BCAS3: variants seen among roughly 807,000 people sequenced by gnomAD.
BCAS3 encodes BCAS4/BCAS3 fusion.
BCAS3 carries 53 observed loss-of-function variants against 116.1 expected under a neutral mutation model. That is an observed-to-expected ratio of 0.46 (90% confidence interval 0.37 to 0.57). The LOEUF is 0.57. Ranked by LOEUF, BCAS3 falls within the 20% of genes least tolerant of loss-of-function variation. The pLI, the probability that BCAS3 is intolerant of heterozygous loss-of-function variation, is 0.00. For synonymous variants in BCAS3, 391 were observed against 408.2 expected (o/e 0.96, Z 0.51); for missense variants, 917 against 1,165.4 (o/e 0.79, Z 3.10).
intron 5 of BCAS3, among the ~76,000 whole-genome samples, chr17:60,714,986 C>T (rs576689310): frequency 6.6e-6 from 1 of 152,038 alleles, no homozygotes; most frequent in Non-Finnish European, 1.5e-5. Context: ...ATGTTATTGA[C>T]TCTTTTTTGG....
chr17:61,058,805 GACAA>G (rs1214779271), intron 19 of BCAS3, among the ~76,000 whole-genome samples: 1 of 152,074 alleles, frequency 6.6e-6, no homozygotes, highest in East Asian at 1.9e-4. Flanking sequence ...ACATTGAATA[GACAA>G]ACAACAGACT....
rs140529170 is a variant in BCAS3 at position 60,926,618 on chromosome 17, G to A, written c.1087+2118G>A. Among the ~76,000 whole-genome samples, 721 of 152,168 alleles carry A rather than the reference G, an allele frequency of 4.7e-3. 1 individual carries two copies. The highest frequency in any genetic ancestry group is 7.9e-3 in the Non-Finnish European group (538 of 67,982). ...AAGTTAAATGTGAAAAAACAGCCTGGAAGTTATGTCACTTGTAGCACTCCA... is the reference window on the plus strand; with the variant it reads ...AAGTTAAATGTGAAAAAACAGCCTGAAAGTTATGTCACTTGTAGCACTCCA... On this transcript the variant is annotated intron_variant, in intron 13 of 23. Coordinates refer to ENST00000407086, the MANE Select transcript of BCAS3 (RefSeq NM_017679.5).
chr17:61,373,729 G>GCCC (rs58524713), intron 23 of BCAS3, among the ~76,000 whole-genome samples: 6,216 of 142,058 alleles, frequency 0.044, 439 homozygotes, highest in African/African-American at 0.14. Flanking sequence ...ACGATGCCCA[G>GCCC]CCCCTGTTTA....
chr17:61,350,220 G>C (rs1205946683), intron 22 of BCAS3, among the ~76,000 whole-genome samples: 1 of 151,856 alleles, frequency 6.6e-6, no homozygotes, highest in Non-Finnish European at 1.5e-5. Context: ...TTTGAGACCA[G>C]CCTGGCCAAC....
chr17:61,257,408 G>A (rs1027488471), intron 22 of BCAS3, among the ~76,000 whole-genome samples: 3 of 124,764 alleles, frequency 2.4e-5, no homozygotes, highest in Non-Finnish European at 4.8e-5. Context: ...GAGACAGAGC[G>A]AGACTCCATC....
At chr17:60,930,600 T>G (rs1474371474) in intron 13 of BCAS3, among the ~76,000 whole-genome samples, 3 of 152,026 alleles carry the variant, frequency 2.0e-5, no homozygotes, top group Non-Finnish European at 4.4e-5. Flanking sequence ...GGATTACAGG[T>G]GTGCGCCACT....
intron 5 of BCAS3, among the ~76,000 whole-genome samples, chr17:60,724,059 A>G (rs1466971287): frequency 6.6e-6 from 1 of 151,820 alleles, no homozygotes; most frequent in Non-Finnish European, 1.5e-5. Flanking sequence ...TGATGAAAAA[A>G]ATCTGGTTCC....
intron 3 of BCAS3, among the ~76,000 whole-genome samples, chr17:60,688,425 T>C: frequency 6.6e-6 from 1 of 151,926 alleles, no homozygotes; most frequent in South Asian, 2.1e-4. Flanking sequence ...TCAGCCTCCC[T>C]GGTAGCTGGG....
chr17:60,889,847 T>G (rs904574991), intron 10 of BCAS3, 76 bp downstream of exon 10: 86 of 1,314,618 alleles, frequency 6.5e-5, no homozygotes, highest in Middle Eastern at 5.1e-4. Context: ...ATACCTGTGC[T>G]CCATAGTTGA....
Position 61,099,089 on chromosome 17 carries a change from A to G in BCAS3, c.2425+14525A>G, listed in dbSNP as rs141794300. Among the ~76,000 whole-genome samples, 72 of 152,180 alleles carry G rather than the reference A, an allele frequency of 4.7e-4. No homozygotes were observed. The East Asian group carries it at 0.013, about 28-fold the overall frequency. The stretch of plus-strand genomic sequence containing the variant: ...CAGTGAGCTGAGATCGCACCATTGC[A>G]CTCCAGCCTGGGTGACAGAGTGAGA... On this transcript the variant is annotated intron_variant, in intron 22 of 23. Coordinates refer to ENST00000407086, the MANE Select transcript of BCAS3 (RefSeq NM_017679.5).
rs1202038442 is a variant in BCAS3 at position 61,362,286 on chromosome 17, T to A, written c.2426-6041T>A. On this transcript the variant is annotated intron_variant, in intron 22 of 23. Coordinates refer to ENST00000407086, the MANE Select transcript of BCAS3 (RefSeq NM_017679.5). This position sits in a 1 kb window ranked among gnomAD's most constrained non-coding sequence, Gnocchi z 4.4. ...TTCTTAGTTATTGTAGACGTCATCA[T>A]CACAACCTCTCACCAAGGAGGGCTT... Among the ~76,000 whole-genome samples, 1 of 152,200 alleles carries A rather than the reference T, an allele frequency of 6.6e-6. No homozygotes were observed. The highest frequency in any genetic ancestry group is 2.4e-5 in the African/African-American group (1 of 41,452).
chr17:61,002,128 A>G (rs916831890), intron 15 of BCAS3, among the ~76,000 whole-genome samples: 35 of 152,150 alleles, frequency 2.3e-4, no homozygotes, highest in Non-Finnish European at 4.3e-4. Flanking sequence ...AGGAAACCTG[A>G]TATTATATTG....
Position 60,960,781 on chromosome 17 carries a change from CTT to C in BCAS3, c.1221+13441_1221+13442del, listed in dbSNP as rs372608125. Reference sequence around the variant, plus strand: ...CAGTAGCTGCCTTCTTCTTCTTTTTCTTTTTTTTTTTTTAATCATGCCTTTGT... The same window carrying C: ...CAGTAGCTGCCTTCTTCTTCTTTTTCTTTTTTTTTTTAATCATGCCTTTGT... On this transcript the variant is annotated intron_variant, in intron 14 of 23. Transcript: ENST00000407086. This position sits in a 1 kb window ranked among gnomAD's most constrained non-coding sequence, Gnocchi z 4.1. Among the ~76,000 whole-genome samples, 6 of 142,166 alleles carry C rather than the reference CTT, an allele frequency of 4.2e-5. No individual in the cohort carries two copies. The highest frequency in any genetic ancestry group is 1.5e-5 in the Non-Finnish European group (1 of 64,692). 93.3% of individuals were successfully genotyped at this position (142,166 alleles called of 152,430 possible).
rs574491590 is a variant in BCAS3, at chr17:61,315,140, G to A, written c.2426-53187G>A. Among the ~76,000 whole-genome samples, 2 of 152,216 alleles carry A rather than the reference G, an allele frequency of 1.3e-5. No individual in the cohort carries two copies. Among genetic ancestry groups the A allele is most frequent in the South Asian group, 4.1e-4 (2 of 4,824 alleles). ...TTCTTTTTCTTTTTTTCGCGAGACAGATTCTCGCTCTGTCACCTAGGCTGG... is the reference window on the plus strand; with the variant it reads ...TTCTTTTTCTTTTTTTCGCGAGACAAATTCTCGCTCTGTCACCTAGGCTGG... On this transcript the variant is annotated intron_variant, in intron 22 of 23. Coordinates refer to ENST00000407086, the MANE Select transcript of BCAS3 (RefSeq NM_017679.5). This position sits in a 1 kb window ranked among gnomAD's most constrained non-coding sequence, Gnocchi z 5.3.
rs186899522 is a variant in BCAS3, at chr17:61,163,984, C to T, written c.2425+79420C>T. Among the ~76,000 whole-genome samples the T allele has an allele frequency of 5.5e-4, 60 of 109,672 alleles. 1 individual carries two copies. In the East Asian group the frequency reaches 8.7e-3, roughly 16 times the overall value. The allele number at this position is 109,672 out of a possible 152,430, so 71.9% of individuals were successfully genotyped here. On this transcript the variant is annotated intron_variant, in intron 22 of 23. Transcript: ENST00000407086. ...CGCACTCCAGCCTGGGCAACAAGAA[C>T]GAAACTCCATCTCAAAAAAAAAAAA...
intron 6 of BCAS3, among the ~76,000 whole-genome samples, chr17:60,768,306 A>G (rs576556559): frequency 6.6e-6 from 1 of 152,316 alleles, no homozygotes; most frequent in Non-Finnish European, 1.5e-5. Flanking sequence ...GGAGATTAAC[A>G]TTTGAGTCAG....
intron 12 of BCAS3, among the ~76,000 whole-genome samples, chr17:60,916,763 C>T (rs2058799169): frequency 6.6e-6 from 1 of 151,942 alleles, no homozygotes; most frequent in Non-Finnish European, 1.5e-5. Context: ...AATGAAAAGA[C>T]AACTCACAGA....
chr17:61,015,654 A>G, intron 15 of BCAS3, 97 bp from the exon 16 acceptor site: 1 of 1,249,220 alleles, frequency 8.0e-7, no homozygotes, highest in African/African-American at 1.5e-5. Flanking sequence ...GCCTTTCTTA[A>G]ATGATTACTG....
At chr17:61,245,549 G>A (rs1441310520) in intron 22 of BCAS3, among the ~76,000 whole-genome samples, 1 of 151,314 alleles carries the variant, frequency 6.6e-6, no homozygotes, top group Non-Finnish European at 1.5e-5. Context: ...ATATTATTGA[G>A]CTGTATAAAA....
Sources: gnomAD v4.1 joint callset for allele counts (sites outside exome capture counted in the v4.1 genomes callset) on GRCh38, gnomAD v4.1.1 for gene constraint, Gnocchi (gnomAD v3.1) non-coding constraint, MANE v1.5 for transcripts, NCBI Gene and HGNC (gene_info 2026-07-23, HGNC 2026-07-21) for gene names.